The following METTL15 variants were observed in gnomAD, a reference collection of about 807,000 sequenced individuals.
METTL15 encodes methyltransferase 15, mitochondrial 12S rRNA N4-cytidine, also known as 12S rRNA N(4)-cytidine methyltransferase METTL15.
In METTL15, 34 loss-of-function variants were observed where a neutral mutation model predicts 38.3. The ratio of observed to expected loss-of-function variants is 0.89; its 90% CI spans 0.68 to 1.18. METTL15 has a LOEUF of 1.18. METTL15 is among the 50% of genes most tolerant of loss of function. The pLI, the probability that METTL15 is intolerant of heterozygous loss-of-function variation, is 0.00. For missense variants in METTL15, 438 were observed against 498.4 expected (o/e 0.88, Z 1.15); for synonymous variants, 162 against 170.9 (o/e 0.95, Z 0.41).
intron 4 of METTL15, among the ~76,000 whole-genome samples, chr11:28,277,703 C>CA (rs1031241708): frequency 2.1e-4 from 32 of 150,690 alleles, no homozygotes; most frequent in Admixed American, 1.1e-3. Context: ...AAACAAAAAG[C>CA]AAAAAAAACA....
intron 6 of METTL15, among the ~76,000 whole-genome samples, chr11:28,509,389 A>T (rs1489950588): frequency 6.6e-6 from 1 of 152,030 alleles, no homozygotes; most frequent in Non-Finnish European, 1.5e-5. Context: ...ATGTATGATG[A>T]GTGAGGTTTT....
intron 3 of METTL15, among the ~76,000 whole-genome samples, chr11:28,202,369 C>G (rs1413567059): frequency 1.3e-5 from 2 of 152,072 alleles, no homozygotes; most frequent in African/African-American, 2.4e-5. Context: ...TTTAGTCCAT[C>G]TTGCCACTGA....
intron 5 of METTL15, among the ~76,000 whole-genome samples, chr11:28,368,368 A>G (rs1009577015): frequency 6.6e-6 from 1 of 152,188 alleles, no homozygotes; most frequent in African/African-American, 2.4e-5. Flanking sequence ...TCTCAAAAGA[A>G]GACATTTATG....
chr11:28,284,928 T>A (rs1314328192), intron 4 of METTL15, among the ~76,000 whole-genome samples: 4 of 152,090 alleles, frequency 2.6e-5, no homozygotes. Flanking sequence ...CAAATTGTAA[T>A]CTCCATAATC....
chr11:28,157,408 G>A (rs1315167809), intron 3 of METTL15, among the ~76,000 whole-genome samples: 5 of 152,190 alleles, frequency 3.3e-5, no homozygotes, highest in African/African-American at 1.2e-4. Context: ...AGGTGTCAGT[G>A]GCAGATAGGG....
At chr11:28,139,569 T>A (rs1397624834) in intron 3 of METTL15, among the ~76,000 whole-genome samples, 1 of 152,028 alleles carries the variant, frequency 6.6e-6, no homozygotes, top group Admixed American at 6.6e-5. Flanking sequence ...ACCTTTGAGT[T>A]CCCTAGACCT....
chr11:28,158,908 T>A (rs935084803), intron 3 of METTL15, among the ~76,000 whole-genome samples: 3 of 152,134 alleles, frequency 2.0e-5, no homozygotes, highest in African/African-American at 7.2e-5. Flanking sequence ...CAGAAGGCTG[T>A]GTGTGCTCTG....
At chr11:28,322,597 T>G (rs1373303533) in intron 6 of METTL15, among the ~76,000 whole-genome samples, 1 of 152,126 alleles carries the variant, frequency 6.6e-6, no homozygotes, top group Non-Finnish European at 1.5e-5. Context: ...AGAGTATATT[T>G]AGAAATATTG....
At chr11:28,235,109 T>G (rs980718103) in intron 4 of METTL15, among the ~76,000 whole-genome samples, 1 of 152,192 alleles carries the variant, frequency 6.6e-6, no homozygotes, top group African/African-American at 2.4e-5. Context: ...AAATATCAGA[T>G]AGTTGTAGAT....
Position 28,113,316 on chromosome 11 carries a change from A to T in METTL15, c.-17-2A>T, listed in dbSNP as rs1590734254. 1.8e-5 allele frequency: 27 copies of T among 1,508,684 alleles called. No individual in the cohort carries two copies. The highest frequency in any genetic ancestry group is 6.5e-5 in the Admixed American group (3 of 46,392). 93.5% of individuals were successfully genotyped at this position (1,508,684 alleles called of 1,614,324 possible). A position where few individuals can be genotyped will look rare whatever the true frequency, so the allele number is the denominator to read the frequency against. On this transcript the variant is annotated splice_acceptor_variant, in intron 2 of 6. Transcript: ENST00000407364. LOFTEE classifies it low-confidence loss of function (5UTR_SPLICE). ...CAATCATATTTTAATTTTTTTTTCT[A>T]GATTTGTTTACCTACAAAATGCTTC...
At chr11:28,147,266 A>C (rs775779750) in intron 3 of METTL15, among the ~76,000 whole-genome samples, 2 of 151,898 alleles carry the variant, frequency 1.3e-5, no homozygotes, top group Non-Finnish European at 2.9e-5. Flanking sequence ...AATGCAATCT[A>C]CAACAGCATT....
intron 6 of METTL15, among the ~76,000 whole-genome samples, chr11:28,464,519 T>C (rs1405800041): frequency 6.6e-6 from 1 of 152,164 alleles, no homozygotes; most frequent in Non-Finnish European, 1.5e-5. Context: ...GTTTACCATC[T>C]CCAATCTAGA....
intron 3 of METTL15, among the ~76,000 whole-genome samples, chr11:28,162,807 G>C (rs990989560): frequency 1.3e-5 from 2 of 152,064 alleles, no homozygotes; most frequent in African/African-American, 4.8e-5. Context: ...TATTGAATGT[G>C]ATGTGGGAGT....
chr11:28,187,900 AT>A (rs970315856), intron 3 of METTL15, among the ~76,000 whole-genome samples: 5 of 151,282 alleles, frequency 3.3e-5, no homozygotes, highest in Admixed American at 6.6e-5. Context: ...TAAAAAATAA[AT>A]TTTTAAAATG....
At chr11:28,383,171 T>C (rs1214701733) in intron 5 of METTL15, among the ~76,000 whole-genome samples, 1 of 152,126 alleles carries the variant, frequency 6.6e-6, no homozygotes, top group African/African-American at 2.4e-5. Context: ...TTTGTGTTCA[T>C]GTGTTCTCAT....
intron 3 of METTL15, chr11:28,197,525 C>T (rs2133814060): frequency 2.2e-6 from 1 of 444,790 alleles, no homozygotes; most frequent in South Asian, 1.7e-5. Context: ...TCCATTTACA[C>T]ACGAGGAAAC....
intron 3 of METTL15, among the ~76,000 whole-genome samples, chr11:28,128,325 A>AT (rs1852584531): frequency 6.6e-6 from 1 of 152,148 alleles, no homozygotes; most frequent in African/African-American, 2.4e-5. Context: ...TTCATATTCT[A>AT]TAAGAATGTT....
intron 3 of METTL15, among the ~76,000 whole-genome samples, chr11:28,126,884 T>G (rs940474654): frequency 1.3e-5 from 2 of 151,942 alleles, no homozygotes; most frequent in Non-Finnish European, 2.9e-5. Context: ...AACAGGAGGA[T>G]TTAAAGTGGT....
Position 28,403,766 on chromosome 11 carries a change from A to AT in METTL15, c.*359-20527dup, listed in dbSNP as rs563116185. 3.0e-3 allele frequency among the ~76,000 whole-genome samples: 450 copies of AT among 152,150 alleles called. 5 individuals are homozygous for AT. Among genetic ancestry groups the AT allele is most frequent in the African/African-American group, 0.01 (435 of 41,526 alleles). On this transcript the variant is annotated intron_variant and NMD_transcript_variant, in intron 5 of 7. Coordinates refer to the METTL15 transcript ENST00000532947. Reference sequence around the variant, plus strand: ...AGAAATGGGTTAATGTTTTTATGTCATTTTTTGCCAATAATGGCAAAGCTG... The same window carrying AT: ...AGAAATGGGTTAATGTTTTTATGTCATTTTTTTGCCAATAATGGCAAAGCTG...
Sources: allele counts gnomAD v4.1 joint callset (sites outside exome capture counted in the v4.1 genomes callset), GRCh38; gene constraint gnomAD v4.1.1; transcripts MANE v1.5; gene names NCBI Gene and HGNC (gene_info 2026-07-23, HGNC 2026-07-21).